SORCS2: variants seen among roughly 807,000 people sequenced by gnomAD.
SORCS2 encodes the protein sortilin related VPS10 domain containing receptor 2.
In SORCS2, 100 loss-of-function variants were observed where a neutral mutation model predicts 141.6. The observed-to-expected ratio is 0.71, with a 90% confidence interval of 0.60 to 0.83. The LOEUF (loss-of-function observed/expected upper bound fraction) is 0.83, where lower values mean the gene tolerates loss of function less well. Among genes scored for constraint, SORCS2 ranks in the 40% least tolerant of loss-of-function variants. The pLI is 0.00. For missense variants in SORCS2, 1,646 were observed against 1,560.2 expected, an observed-to-expected ratio of 1.05 and a Z score of -0.93; for synonymous variants, 789 against 676.9, an observed-to-expected ratio of 1.17 and a Z score of -2.57.
chr4:7,665,468 G>A (rs1463777010), intron 7 of SORCS2, among the ~76,000 whole-genome samples: 1 of 152,182 alleles, frequency 6.6e-6, no homozygotes. Flanking sequence ...TCCCTGTGCT[G>A]TGCCTCGCTT....
rs1343910314 is a variant in SORCS2, at chr4:7,648,497, G to A, written c.814-5637G>A. Among the ~76,000 whole-genome samples, 1 of 152,080 alleles carries A rather than the reference G, an allele frequency of 6.6e-6. No individual in the cohort carries two copies. The highest frequency in any genetic ancestry group is 1.5e-5 in the Non-Finnish European group (1 of 67,996). ...CCTCTGCCTGGGAGTATTTATAGAG[G>A]GCCTTCTAGGTTTCAGGAGCTGGGG... On this transcript the variant is annotated intron_variant, in intron 4 of 26. Transcript: ENST00000507866. This position sits in a 1 kb window ranked among gnomAD's most constrained non-coding sequence, Gnocchi z 4.2.
chr4:7,714,408 C>T (rs371591623), intron 16 of SORCS2, 35 bp downstream of exon 16: 1,324 of 1,540,912 alleles, frequency 8.6e-4, no homozygotes, highest in Non-Finnish European at 1.1e-3. Flanking sequence ...AGGCCTCAGG[C>T]GCTGCTTGAG....
intron 1 of SORCS2, among the ~76,000 whole-genome samples, chr4:7,322,114 C>T (rs989919630): frequency 3.3e-5 from 5 of 152,114 alleles, no homozygotes; most frequent in Admixed American, 3.3e-4. Flanking sequence ...GCAGGCTGTC[C>T]GACGGTGTGC....
chr4:7,320,811 C>T (rs1285110900), intron 1 of SORCS2, among the ~76,000 whole-genome samples: 3 of 152,190 alleles, frequency 2.0e-5, no homozygotes, highest in Non-Finnish European at 4.4e-5. Context: ...TTCACACTCG[C>T]TCAGTTCATG....
chr4:7,363,163 CTACCACCAT>C (rs1721693120), intron 1 of SORCS2, among the ~76,000 whole-genome samples: 1 of 150,448 alleles, frequency 6.6e-6, no homozygotes, highest in Non-Finnish European at 1.5e-5. Context: ...GCCACCACCA[CTACCACCAT>C]TACTACCCTC....
At chr4:7,305,176 C>T (rs1421859162) in intron 1 of SORCS2, among the ~76,000 whole-genome samples, 5 of 151,980 alleles carry the variant, frequency 3.3e-5, no homozygotes, top group Non-Finnish European at 5.9e-5. Context: ...GGACTGCAGG[C>T]GCCTGCCACC....
chr4:7,512,305 A>G (rs946007596), intron 2 of SORCS2, among the ~76,000 whole-genome samples: 1 of 143,876 alleles, frequency 7.0e-6, no homozygotes, highest in Non-Finnish European at 1.5e-5. Flanking sequence ...TAATGGTGGG[A>G]TTTGAGTTTG....
intron 1 of SORCS2, among the ~76,000 whole-genome samples, chr4:7,283,719 T>G (rs1419263653): frequency 6.6e-6 from 1 of 151,962 alleles, no homozygotes; most frequent in Non-Finnish European, 1.5e-5. Flanking sequence ...AGGCCAGGGT[T>G]TCCACCAAAC....
At chr4:7,484,815 C>T (rs570466749) in intron 2 of SORCS2, among the ~76,000 whole-genome samples, 16 of 152,054 alleles carry the variant, frequency 1.1e-4, no homozygotes, top group Admixed American at 9.2e-4. Context: ...CACCCAGCCC[C>T]GCTCCTGTAC....
At chr4:7,210,778 C>T (rs1226580778) in intron 1 of SORCS2, among the ~76,000 whole-genome samples, 3 of 152,222 alleles carry the variant, frequency 2.0e-5, no homozygotes, top group South Asian at 2.1e-4. Context: ...TGCTGGGCAC[C>T]GAGCTTGCAC....
chr4:7,702,348 G>A lies in SORCS2; in HGVS notation c.1669-932G>A, dbSNP rs572045199. Among the ~76,000 whole-genome samples the A allele has an allele frequency of 3.9e-5, 6 of 152,330 alleles. No homozygotes were observed. In the East Asian group the frequency reaches 5.8e-4, roughly 15 times the overall value. On this transcript the variant is annotated intron_variant, in intron 12 of 26. Coordinates refer to ENST00000507866, the MANE Select transcript of SORCS2 (RefSeq NM_020777.3). Reference sequence around the variant, plus strand: ...GGGCATGTTGAGACATGCGCTGGCCGCCCACACATGCATGTTCACTGGAGA... The same window carrying A: ...GGGCATGTTGAGACATGCGCTGGCCACCCACACATGCATGTTCACTGGAGA...
intron 1 of SORCS2, among the ~76,000 whole-genome samples, chr4:7,325,584 A>G (rs367584180): frequency 2.2e-4 from 34 of 152,258 alleles, no homozygotes; most frequent in African/African-American, 6.7e-4. Context: ...GTGGAACTCA[A>G]TGGTTTTAAC....
At position 7,334,146 on chromosome 4, in the gene SORCS2, G is replaced by A. The variant is rs915297580; in HGVS notation, c.481-62142G>A. 3.3e-5 allele frequency among the ~76,000 whole-genome samples: 5 copies of A among 152,138 alleles called. No homozygotes were observed. In the East Asian group the frequency reaches 5.8e-4, roughly 18 times the overall value. The stretch of plus-strand genomic sequence containing the variant: ...CCCACGAGGGCGGCACAAGTGAAAC[G>A]TCCAGGGTGCAGAGTTTAAGAAGGT... On this transcript the variant is annotated intron_variant, in intron 1 of 26. Coordinates refer to ENST00000507866, the MANE Select transcript of SORCS2 (RefSeq NM_020777.3).
chr4:7,401,958 C>T (rs1293868724), intron 2 of SORCS2, among the ~76,000 whole-genome samples: 4 of 152,298 alleles, frequency 2.6e-5, no homozygotes, highest in Non-Finnish European at 5.9e-5. Context: ...AGGACACATG[C>T]CCAGGTACTC....
At chr4:7,595,631 C>T (rs1202746853) in intron 3 of SORCS2, among the ~76,000 whole-genome samples, 1 of 151,784 alleles carries the variant, frequency 6.6e-6, no homozygotes, top group East Asian at 1.9e-4. Flanking sequence ...GTGCCAGGAA[C>T]CGGGACAGAG....
At chr4:7,279,678 A>G (rs1715740903) in intron 1 of SORCS2, among the ~76,000 whole-genome samples, 1 of 152,240 alleles carries the variant, frequency 6.6e-6, no homozygotes, top group Admixed American at 6.5e-5. Flanking sequence ...TTGAGTGTCC[A>G]GCCGCGGAAT....
intron 1 of SORCS2, among the ~76,000 whole-genome samples, chr4:7,299,364 C>A (rs907656752): frequency 6.6e-6 from 1 of 152,220 alleles, no homozygotes; most frequent in Non-Finnish European, 1.5e-5. Context: ...CGCTCTCCAC[C>A]GCTTGTCTTC....
rs900731135 is a variant in SORCS2 at position 7,316,188 on chromosome 4, A to G, written c.481-80100A>G. The stretch of plus-strand genomic sequence containing the variant: ...ATCCCTCCTATTCACCCATTCATCC[A>G]TCCACCCATCCAGCTAGCTTTCCTT... On this transcript the variant is annotated intron_variant, in intron 1 of 26. Coordinates refer to ENST00000507866, the MANE Select transcript of SORCS2 (RefSeq NM_020777.3). 9.9e-5 allele frequency among the ~76,000 whole-genome samples: 15 copies of G among 151,098 alleles called. 1 individual carries two copies. The highest frequency in any genetic ancestry group is 2.1e-4 in the Non-Finnish European group (14 of 67,770).
rs561553893 is a variant in SORCS2, at chr4:7,528,571, G to A, written c.549-2959G>A. ...CTCCTGAGTACCTGGGATTACAGGC[G>A]CCTGCCACCTCGCCCGGCCAATTTT... On this transcript the variant is annotated intron_variant, in intron 2 of 26. Transcript: ENST00000507866. Among the ~76,000 whole-genome samples, 88 of 152,046 alleles carry A rather than the reference G, an allele frequency of 5.8e-4. 1 individual carries two copies. In the Middle Eastern group the frequency reaches 0.01, roughly 18 times the overall value.
Sources: allele counts gnomAD v4.1 joint callset (sites outside exome capture counted in the v4.1 genomes callset), GRCh38; gene constraint gnomAD v4.1.1; non-coding constraint Gnocchi (gnomAD v3.1); transcripts MANE v1.5; gene names NCBI Gene and HGNC (gene_info 2026-07-23, HGNC 2026-07-21).